ENTREP2: variants seen among roughly 807,000 people sequenced by gnomAD.
ENTREP2 encodes endosomal transmembrane epsin interactor 2, also known as protein ENTREP2.
the ENTREP2 span, among the ~76,000 whole-genome samples, chr15:29,329,314 G>A: frequency 1.3e-5 from 2 of 150,446 alleles, no homozygotes; most frequent in African/African-American, 2.5e-5. Flanking sequence ...AGTGAGCTGC[G>A]ATCGCACCAC....
chr15:29,305,196 G>A, the ENTREP2 span, among the ~76,000 whole-genome samples: 29 of 152,320 alleles, frequency 1.9e-4, no homozygotes, highest in Non-Finnish European at 3.7e-4. Context: ...CAAATGCAAA[G>A]ATAAATTTTT....
chr15:29,414,677 C>G, the ENTREP2 span, among the ~76,000 whole-genome samples: 7 of 151,828 alleles, frequency 4.6e-5, no homozygotes, highest in African/African-American at 1.7e-4. Flanking sequence ...GATAGAGACA[C>G]AAAAACCCTT....
At chr15:29,493,664 TAGAC>T in the ENTREP2 span, among the ~76,000 whole-genome samples, 4 of 151,826 alleles carry the variant, frequency 2.6e-5, no homozygotes. Flanking sequence ...TATAGATAGA[TAGAC>T]AGATAGAGAT....
chr15:29,280,024 C>G, the ENTREP2 span, among the ~76,000 whole-genome samples: 1 of 152,074 alleles, frequency 6.6e-6, no homozygotes, highest in Non-Finnish European at 1.5e-5. Context: ...AGCCTGTGCT[C>G]AACTAGAATT....
At chr15:29,368,548 G>A in the ENTREP2 span, among the ~76,000 whole-genome samples, 1 of 151,816 alleles carries the variant, frequency 6.6e-6, no homozygotes, top group African/African-American at 2.4e-5. Context: ...TCACCAAACA[G>A]AAAATATTAA....
chr15:29,466,700 A>C, the ENTREP2 span, among the ~76,000 whole-genome samples: 40 of 83,614 alleles, frequency 4.8e-4, no homozygotes, highest in African/African-American at 1.8e-3. Context: ...GAGGATGCTG[A>C]TGGCCCCAGG....
the ENTREP2 span, among the ~76,000 whole-genome samples, chr15:29,402,766 ATGGTTAT>A: frequency 6.6e-6 from 1 of 152,194 alleles, no homozygotes; most frequent in African/African-American, 2.4e-5. Flanking sequence ...CAAAGTTACC[ATGGTTAT>A]CTCCAGACAG....
At chr15:29,234,253 C>T in the ENTREP2 span, 2,846 of 1,612,444 alleles carry the variant, frequency 1.8e-3, 44 homozygotes, top group African/African-American at 0.032. Flanking sequence ...TTCTCTCTTC[C>T]GCAGAAGGAG....
chr15:29,196,628 G>A, the ENTREP2 span: 2 of 1,511,400 alleles, frequency 1.3e-6, no homozygotes, highest in Admixed American at 2.0e-5. Context: ...GGGTACGCGT[G>A]AGTGACACAG....
At chr15:29,430,570 C>T in the ENTREP2 span, among the ~76,000 whole-genome samples, 1 of 152,120 alleles carries the variant, frequency 6.6e-6, no homozygotes, top group Non-Finnish European at 1.5e-5. Flanking sequence ...CACTTGAACC[C>T]GGGAGGCAAG....
At chr15:29,560,327 G>A in the ENTREP2 span, among the ~76,000 whole-genome samples, 1 of 152,184 alleles carries the variant, frequency 6.6e-6, no homozygotes, top group African/African-American at 2.4e-5. Flanking sequence ...TTGTCCAAGT[G>A]CAGATGTAAA....
the ENTREP2 span, chr15:29,234,305 T>C: frequency 6.2e-7 from 1 of 1,611,102 alleles, no homozygotes; most frequent in East Asian, 2.2e-5. Flanking sequence ...GTCAAAAAGA[T>C]ATATGTAATC....
chr15:29,129,463 T>C, the ENTREP2 span, among the ~76,000 whole-genome samples: 3 of 152,160 alleles, frequency 2.0e-5, no homozygotes, highest in Non-Finnish European at 4.4e-5. Flanking sequence ...CTTTTGTGGC[T>C]TTCGATTTCT....
the ENTREP2 span, among the ~76,000 whole-genome samples, chr15:29,396,311 A>G: frequency 2.1e-5 from 3 of 146,138 alleles, no homozygotes; most frequent in Non-Finnish European, 4.5e-5. Flanking sequence ...CTCTGTTACC[A>G]TGAGTTTGAC....
At chr15:29,292,095 T>C in the ENTREP2 span, among the ~76,000 whole-genome samples, 2 of 152,280 alleles carry the variant, frequency 1.3e-5, no homozygotes, top group East Asian at 1.9e-4. Context: ...CCACCTTTCA[T>C]AGGAATTCTA....
the ENTREP2 span, among the ~76,000 whole-genome samples, chr15:29,369,429 G>GA: frequency 0.025 from 3,637 of 146,386 alleles, 134 homozygotes; most frequent in African/African-American, 0.078. Flanking sequence ...CAAATGGCAA[G>GA]AAAAAAAAAA....
At chr15:29,362,963 A>G in the ENTREP2 span, among the ~76,000 whole-genome samples, 2 of 152,186 alleles carry the variant, frequency 1.3e-5, no homozygotes, top group African/African-American at 4.8e-5. Context: ...TAATACTGTT[A>G]GTAAATTTAA....
At chr15:29,410,690 C>G in the ENTREP2 span, among the ~76,000 whole-genome samples, 3 of 152,192 alleles carry the variant, frequency 2.0e-5, no homozygotes, top group African/African-American at 7.2e-5. Flanking sequence ...AGAACATTCA[C>G]GTTCCTAAGA....
At chr15:29,524,556 T>C in the ENTREP2 span, among the ~76,000 whole-genome samples, 3 of 152,306 alleles carry the variant, frequency 2.0e-5, no homozygotes, top group East Asian at 5.8e-4. Context: ...TTAGAAGCCG[T>C]AGGTCACGGA....
Sources: gnomAD v4.1 joint callset for allele counts (sites outside exome capture counted in the v4.1 genomes callset) on GRCh38, gnomAD v4.1.1 for gene constraint, MANE v1.5 for transcripts, NCBI Gene and HGNC (gene_info 2026-07-23, HGNC 2026-07-21) for gene names.